SESTD1: variants seen among roughly 807,000 people sequenced by gnomAD.
SESTD1 encodes SEC14 domain and spectrin repeat-containing protein 1.
In SESTD1, 43 loss-of-function variants were observed where a neutral mutation model predicts 101.7. The observed-to-expected ratio is 0.42, with a 90% CI of 0.33 to 0.55. SESTD1 has a LOEUF of 0.55. Ranked by LOEUF, SESTD1 falls within the 20% of genes least tolerant of loss-of-function variation. The pLI is 0.07. For missense variants in SESTD1, 647 were observed against 815.1 expected (o/e 0.79, Z 2.51); for synonymous variants, 283 against 286.8 (o/e 0.99, Z 0.13).
At chr2:179,110,253 T>A (rs1180556303) in intron 17 of SESTD1, among the ~76,000 whole-genome samples, 1 of 152,126 alleles carries the variant, frequency 6.6e-6, no homozygotes, top group African/African-American at 2.4e-5. Flanking sequence ...AATATATTGA[T>A]GGTATAAAGG....
intron 9 of SESTD1, among the ~76,000 whole-genome samples, chr2:179,142,403 T>G (rs2045298792): frequency 6.6e-6 from 1 of 152,088 alleles, no homozygotes; most frequent in African/African-American, 2.4e-5. Context: ...CTGTTTCAAT[T>G]AAGCAAAGAA....
In SESTD1 at chr2:179,146,255, C is replaced by T. The variant is rs2045393147; in HGVS notation, c.637+147G>A. 4 of 692,558 alleles carry T rather than the reference C, an allele frequency of 5.8e-6. No homozygotes were observed. The African/African-American group carries it at 7.3e-5, about 13-fold the overall frequency. The allele number at this position is 692,558 out of a possible 1,614,324, so 42.9% of individuals were successfully genotyped here. On this transcript the variant is annotated intron_variant, in intron 8 of 17. Coordinates refer to ENST00000428443, the MANE Select transcript of SESTD1 (RefSeq NM_178123.5). ...ACCCAGTCCACAGAAAAACTGTCTTCCACAAAACCAGTCCCTGGTCCTCAA... is the reference window on the plus strand; with the variant it reads ...ACCCAGTCCACAGAAAAACTGTCTTTCACAAAACCAGTCCCTGGTCCTCAA...
chr2:179,220,085 A>G (rs1204914834), intron 1 of SESTD1, among the ~76,000 whole-genome samples: 1 of 146,634 alleles, frequency 6.8e-6, no homozygotes, highest in African/African-American at 2.6e-5. Flanking sequence ...AAAGTCCTAT[A>G]CTATATTTAA....
rs1459914300 is a variant in SESTD1, at chr2:179,104,684, C to T, written c.*5215G>A. On this transcript the variant is annotated 3_prime_UTR_variant, in exon 18 of 18. Coordinates refer to ENST00000428443, the MANE Select transcript of SESTD1 (RefSeq NM_178123.5). ...GTTTTCTACATGCCTAACTTAAAAT[C>T]CCTAATAACACTGCTCCTGATAAGT... The T allele has an allele frequency of 6.6e-6, 1 of 152,018 alleles. No homozygotes were observed. The highest frequency in any genetic ancestry group is 2.4e-5 in the African/African-American group (1 of 41,390). 9.4% of individuals were successfully genotyped at this position (152,018 alleles called of 1,614,324 possible).
chr2:179,193,836 A>G (rs1051621125), intron 1 of SESTD1, among the ~76,000 whole-genome samples: 4 of 152,306 alleles, frequency 2.6e-5, no homozygotes, highest in African/African-American at 7.2e-5. Context: ...GTGTAATACA[A>G]CATGGCCACC....
rs1242162279 is a variant in SESTD1, at chr2:179,214,052, C to T, written c.-25-22186G>A. Among the ~76,000 whole-genome samples, 5 of 135,102 alleles carry T rather than the reference C, an allele frequency of 3.7e-5. 1 individual carries two copies. The highest frequency in any genetic ancestry group is 2.2e-4 in the Admixed American group (3 of 13,892). 88.6% of individuals were successfully genotyped at this position (135,102 alleles called of 152,430 possible). Reference sequence around the variant, plus strand: ...TGCCAATGTGTAAAGACCATTGATGCTACAAAGAAACTGCATCAATTAATG... The same window carrying T: ...TGCCAATGTGTAAAGACCATTGATGTTACAAAGAAACTGCATCAATTAATG... On this transcript the variant is annotated intron_variant, in intron 1 of 17. Transcript: ENST00000428443.
Position 179,108,248 on chromosome 2 carries a change from T to G in SESTD1, c.*1651A>C, listed in dbSNP as rs369812354. On this transcript the variant is annotated 3_prime_UTR_variant, in exon 18 of 18. Transcript: ENST00000428443. ...TGAGGACAGGATCTGAGAGAGCACATGTTCAGCAGGCACATCTTAAATTAG... is the reference window on the plus strand; with the variant it reads ...TGAGGACAGGATCTGAGAGAGCACAGGTTCAGCAGGCACATCTTAAATTAG... The G allele has an allele frequency of 6.6e-6, 1 of 152,206 alleles. No homozygotes were observed. The highest frequency in any genetic ancestry group is 2.4e-5 in the African/African-American group (1 of 41,542). 9.4% of individuals were successfully genotyped at this position (152,206 alleles called of 1,614,324 possible).
At chr2:179,138,473 T>G (rs7588135) in intron 9 of SESTD1, among the ~76,000 whole-genome samples, 1,747 of 152,250 alleles carry the variant, frequency 0.011, 29 homozygotes, top group African/African-American at 0.037. Context: ...ATTTTTGTGA[T>G]GTGAAAGTTG....
At position 179,117,517 on chromosome 2, in the gene SESTD1, C is replaced by A. The variant is rs1375921780; in HGVS notation, c.1524+15G>T. ...AAGAAAAGTTAACTACATAATGTAG[C>A]TGACTGCTCCTTACCTGGGCAGCAT... On this transcript the variant is annotated intron_variant, in intron 14 of 17. Coordinates refer to ENST00000428443, the MANE Select transcript of SESTD1 (RefSeq NM_178123.5). 5.2e-6 allele frequency: 8 copies of A among 1,553,252 alleles called. No homozygotes were observed. Among genetic ancestry groups the A allele is most frequent in the Non-Finnish European group, 6.9e-6 (8 of 1,158,106 alleles).
chr2:179,140,333 T>C (rs528141503), intron 9 of SESTD1, among the ~76,000 whole-genome samples: 85 of 152,182 alleles, frequency 5.6e-4, no homozygotes, highest in Non-Finnish European at 9.0e-4. Context: ...ATAAGGTCTT[T>C]AGGGTGGGCC....
rs181369796 is a variant in SESTD1, at chr2:179,138,159, T to C, written c.849+5433A>G. On this transcript the variant is annotated intron_variant, in intron 9 of 17. Transcript: ENST00000428443. ...GTTTTTAACAGTAATCTCGTTACCATCATCACCATCATTATAAATATAATA... is the reference window on the plus strand; with the variant it reads ...GTTTTTAACAGTAATCTCGTTACCACCATCACCATCATTATAAATATAATA... Among the ~76,000 whole-genome samples, 538 of 152,306 alleles carry C rather than the reference T, an allele frequency of 3.5e-3. 1 individual carries two copies. The highest frequency in any genetic ancestry group is 5.8e-3 in the Non-Finnish European group (395 of 68,020).
intron 4 of SESTD1, 109 bp from the exon 5 acceptor site, chr2:179,172,342 G>T: frequency 1.7e-6 from 1 of 597,450 alleles, no homozygotes; most frequent in Non-Finnish European, 2.7e-6. Flanking sequence ...GATTTTTGGA[G>T]AAGAATTAAA....
At position 179,206,372 on chromosome 2, in the gene SESTD1, A is replaced by AT. The variant is rs879432602; in HGVS notation, c.-25-14507dup. Among the ~76,000 whole-genome samples the AT allele has an allele frequency of 3.7e-5, 5 of 136,768 alleles. 2 individuals carry two copies. Among genetic ancestry groups the AT allele is most frequent in the Admixed American group, 7.1e-5 (1 of 14,112 alleles). 89.7% of individuals were successfully genotyped at this position (136,768 alleles called of 152,430 possible). On this transcript the variant is annotated intron_variant, in intron 1 of 17. Transcript: ENST00000428443. The stretch of plus-strand genomic sequence containing the variant: ...GGGAAAAGTCAGCCTCTGAACACAC[A>AT]TCCCCACTGGGGAACCCAAAAATCC...
intron 13 of SESTD1, 140 bp from the exon 14 acceptor site, chr2:179,117,753 G>T (rs2044665306): frequency 1.7e-6 from 1 of 577,174 alleles, no homozygotes; most frequent in South Asian, 4.8e-5. Context: ...ATTTTGTATT[G>T]ATTTGTAAGA....
At chr2:179,110,504 TCAGAATCACAGAATA>T (rs1218872420) in intron 17 of SESTD1, among the ~76,000 whole-genome samples, 1 of 152,218 alleles carries the variant, frequency 6.6e-6, no homozygotes, top group Non-Finnish European at 1.5e-5. Context: ...GATACTGTAT[TCAGAATCACAGAATA>T]TTTTTAGAGC....
chr2:179,201,611 A>G (rs2046512911), intron 1 of SESTD1, among the ~76,000 whole-genome samples: 1 of 127,618 alleles, frequency 7.8e-6, no homozygotes, highest in Non-Finnish European at 1.6e-5. Context: ...TGATGAGTTC[A>G]TGTCCTTTGT....
chr2:179,231,062 T>C (rs776515708), intron 1 of SESTD1, among the ~76,000 whole-genome samples: 18 of 152,098 alleles, frequency 1.2e-4, no homozygotes, highest in Non-Finnish European at 2.2e-4. Flanking sequence ...ACCAAGGACT[T>C]ATTTCCACCC....
intron 5 of SESTD1, among the ~76,000 whole-genome samples, chr2:179,160,592 T>A (rs2045717032): frequency 6.6e-6 from 1 of 152,046 alleles, no homozygotes; most frequent in Non-Finnish European, 1.5e-5. Context: ...AACATCATAT[T>A]CTAACCTAAA....
At chr2:179,253,305 T>C (rs1005037142) in intron 1 of SESTD1, among the ~76,000 whole-genome samples, 6 of 152,138 alleles carry the variant, frequency 3.9e-5, no homozygotes, top group African/African-American at 1.4e-4. Context: ...GCAATCTTGT[T>C]TTCTAGATGG....
Sources: gnomAD v4.1 joint callset for allele counts (sites outside exome capture counted in the v4.1 genomes callset) on GRCh38, gnomAD v4.1.1 for gene constraint, MANE v1.5 for transcripts, NCBI Gene and HGNC (gene_info 2026-07-23, HGNC 2026-07-21) for gene names.